Variants in PTPRN2 observed in about 807,000 individuals in gnomAD.
PTPRN2 encodes the protein protein tyrosine phosphatase receptor type N2, also known as receptor-type tyrosine-protein phosphatase N2.
A neutral mutation model predicts 118.8 loss-of-function variants in PTPRN2; 74 were observed. The observed-to-expected ratio is 0.62, with a 90% confidence interval of 0.52 to 0.76. The LOEUF (loss-of-function observed/expected upper bound fraction) is 0.76, where lower values mean the gene tolerates loss of function less well. Ranked by LOEUF, PTPRN2 falls within the 30% of genes least tolerant of loss-of-function variation. The pLI, the probability that PTPRN2 is intolerant of heterozygous loss-of-function variation, is 0.00. For missense variants in PTPRN2, 1,481 were observed against 1,394.4 expected (o/e 1.06, Z -0.99); for synonymous variants, 641 against 608.0 (o/e 1.05, Z -0.80).
At chr7:157,581,643 G>A (rs1487365084) in intron 17 of PTPRN2, among the ~76,000 whole-genome samples, 1 of 152,258 alleles carries the variant, frequency 6.6e-6, no homozygotes, top group Non-Finnish European at 1.5e-5. Context: ...AAGAAGTGCA[G>A]ACTTCGGCTG....
chr7:157,682,914 A>G lies in PTPRN2; in HGVS notation c.1812T>C (p.Pro604=). 1 of 1,613,740 alleles carries G rather than the reference A, an allele frequency of 6.2e-7. No individual in the cohort carries two copies. The highest frequency in any genetic ancestry group is 8.5e-7 in the Non-Finnish European group (1 of 1,179,772). ...VGSKSKLKFL[P]PQAEQEDSTK... Reference sequence around the variant, plus strand: ...TGGAGTCTTCTTGCTCCGCCTGAGGAGGCAGGAACTTGAGTTTGCTTTTCT... The same window carrying G: ...TGGAGTCTTCTTGCTCCGCCTGAGGGGGCAGGAACTTGAGTTTGCTTTTCT... Residue 604 remains proline, a synonymous_variant, in exon 13 of 23, where the codon CCT becomes CCC. Transcript: ENST00000389418.
At chr7:157,707,002 C>T (rs747831814) in intron 12 of PTPRN2, among the ~76,000 whole-genome samples, 14 of 152,234 alleles carry the variant, frequency 9.2e-5, no homozygotes, top group South Asian at 4.1e-4. Flanking sequence ...TGAATCTGAC[C>T]CCGGTGCCTT....
intron 9 of PTPRN2, among the ~76,000 whole-genome samples, chr7:158,114,308 G>A (rs192306299): frequency 1.3e-5 from 2 of 152,306 alleles, no homozygotes; most frequent in Non-Finnish European, 2.9e-5. Context: ...CCACAGGTCA[G>A]GCCTGGGAAT....
chr7:158,500,384 G>A (rs1051113134), intron 1 of PTPRN2, among the ~76,000 whole-genome samples: 41 of 152,188 alleles, frequency 2.7e-4, no homozygotes, highest in Admixed American at 2.4e-3. Flanking sequence ...AATTACTACC[G>A]TCCACTGTAG....
rs146941584 is a variant in PTPRN2, at chr7:157,541,058, C to T, written c.2977-273G>A. Among the ~76,000 whole-genome samples the T allele has an allele frequency of 1.1e-3, 163 of 152,372 alleles. No individual in the cohort carries two copies. The East Asian group carries it at 0.014, about 13-fold the overall frequency. ...TAGAAAAGCCTCATCTTTCCCCCTG[C>T]GGGGAGAAGCTGCCCACAGAAGCAG... On this transcript the variant is annotated intron_variant, in intron 22 of 22. Coordinates refer to ENST00000389418, the MANE Select transcript of PTPRN2 (RefSeq NM_002847.5).
chr7:158,464,640 C>T (rs1477399555), intron 2 of PTPRN2, among the ~76,000 whole-genome samples: 15 of 151,376 alleles, frequency 9.9e-5, no homozygotes, highest in Non-Finnish European at 1.8e-4. Context: ...ATCACTTCAT[C>T]GTCACCATCA....
chr7:158,432,964 C>G (rs1464760788), intron 2 of PTPRN2, among the ~76,000 whole-genome samples: 3 of 152,222 alleles, frequency 2.0e-5, no homozygotes, highest in African/African-American at 7.2e-5. Flanking sequence ...GCCCCGCCCC[C>G]ATCCTCTCAG....
At chr7:158,109,964 T>G (rs546616146) in intron 10 of PTPRN2, among the ~76,000 whole-genome samples, 1 of 151,970 alleles carries the variant, frequency 6.6e-6, no homozygotes, top group Admixed American at 6.5e-5. Flanking sequence ...TGACGTCACC[T>G]GTGTGAAGAG....
rs1037333856 is a variant in PTPRN2 at position 157,674,221 on chromosome 7, G to A, written c.2001+8504C>T. 2.6e-4 allele frequency among the ~76,000 whole-genome samples: 39 copies of A among 152,138 alleles called. No homozygotes were observed. Among genetic ancestry groups the A allele is most frequent in the Non-Finnish European group, 2.4e-4 (16 of 68,012 alleles). ...AGAGCAGAGAGCCATGGAGAGCTCC[G>A]GGCCGAAGGGGACTTGGGCCTGGGA... is the stretch of plus-strand genomic sequence containing the variant. On this transcript the variant is annotated intron_variant, in intron 13 of 22. Coordinates refer to ENST00000389418, the MANE Select transcript of PTPRN2 (RefSeq NM_002847.5). The surrounding 1 kb of genome is among the most constrained non-coding windows in gnomAD (Gnocchi z 4.5).
Position 158,022,527 on chromosome 7 carries a change from C to T in PTPRN2, c.1723+58771G>A, listed in dbSNP as rs1014755182. On this transcript the variant is annotated intron_variant, in intron 11 of 22. Transcript: ENST00000389418. This position sits in a 1 kb window ranked among gnomAD's most constrained non-coding sequence, Gnocchi z 4.6. ...CGGCACCCGGGCACTCTGTCTGGGG[C>T]AGCCCGTAATGTGTTCATAGCCAAG... 6.6e-6 allele frequency among the ~76,000 whole-genome samples: 1 copy of T among 151,796 alleles called. No individual in the cohort carries two copies. Among genetic ancestry groups the T allele is most frequent in the Non-Finnish European group, 1.5e-5 (1 of 67,912 alleles).
chr7:157,627,208 T>G lies in PTPRN2; in HGVS notation c.2197-5699A>C, dbSNP rs1803641120. Reference sequence around the variant, plus strand: ...GGGTCTCCTCCGGGGCGTGAGCTCCTGGTGGTCAGGGACCCCTTCTCACAC... The same window carrying G: ...GGGTCTCCTCCGGGGCGTGAGCTCCGGGTGGTCAGGGACCCCTTCTCACAC... On this transcript the variant is annotated intron_variant, in intron 14 of 22. Transcript: ENST00000389418. This position sits in a 1 kb window ranked among gnomAD's most constrained non-coding sequence, Gnocchi z 4.2. 6.6e-6 allele frequency among the ~76,000 whole-genome samples: 1 copy of G among 152,254 alleles called. No individual in the cohort carries two copies. The highest frequency in any genetic ancestry group is 1.5e-5 in the Non-Finnish European group (1 of 68,048).
At chr7:158,489,553 C>T (rs1821281481) in intron 2 of PTPRN2, among the ~76,000 whole-genome samples, 182 bp downstream of exon 2, 1 of 152,226 alleles carries the variant, frequency 6.6e-6, no homozygotes, top group Non-Finnish European at 1.5e-5. Context: ...CCCGGGCAAC[C>T]TCTTCTCCCC....
chr7:157,708,375 C>A (rs770176098), intron 12 of PTPRN2, among the ~76,000 whole-genome samples: 10 of 152,192 alleles, frequency 6.6e-5, no homozygotes, highest in Non-Finnish European at 1.2e-4. Flanking sequence ...TGCCCACGAC[C>A]CTTCAGCCAG....
At chr7:158,477,212 G>A (rs1411334305) in intron 2 of PTPRN2, among the ~76,000 whole-genome samples, 1 of 152,142 alleles carries the variant, frequency 6.6e-6, no homozygotes. Context: ...AAGGTGGCTG[G>A]GACATCTTAG....
chr7:157,849,393 G>A (rs1029003519), intron 12 of PTPRN2, among the ~76,000 whole-genome samples: 2 of 152,066 alleles, frequency 1.3e-5, no homozygotes, highest in African/African-American at 4.8e-5. Context: ...GTCCTCTCAG[G>A]GTCACACCTC....
At chr7:157,899,491 A>C (rs529320914) in intron 11 of PTPRN2, among the ~76,000 whole-genome samples, 1 of 152,362 alleles carries the variant, frequency 6.6e-6, no homozygotes, top group South Asian at 2.1e-4. Flanking sequence ...ATGCGTTTGC[A>C]TAAAGCCCTT....
intron 2 of PTPRN2, among the ~76,000 whole-genome samples, chr7:158,374,295 A>T (rs1033201200): frequency 1.1e-4 from 16 of 152,166 alleles, no homozygotes; most frequent in Non-Finnish European, 2.1e-4. Flanking sequence ...AGACCACTGG[A>T]AATGGAACTC....
At position 157,785,225 on chromosome 7, in the gene PTPRN2, G is replaced by A. The variant is rs897345960; in HGVS notation, c.1789-102288C>T. Reference sequence around the variant, plus strand: ...CCGGGCCCACGTGGGGACACGCCCCGCCCCACAGGCTTGCACCGGGGTGCG... The same window carrying A: ...CCGGGCCCACGTGGGGACACGCCCCACCCCACAGGCTTGCACCGGGGTGCG... On this transcript the variant is annotated intron_variant, in intron 12 of 22. Transcript: ENST00000389418. This position sits in a 1 kb window ranked among gnomAD's most constrained non-coding sequence, Gnocchi z 7.3. Among the ~76,000 whole-genome samples the A allele has an allele frequency of 7.2e-5, 11 of 152,016 alleles. No homozygotes were observed. The highest frequency in any genetic ancestry group is 2.0e-4 in the Admixed American group (3 of 15,270).
intron 2 of PTPRN2, among the ~76,000 whole-genome samples, chr7:158,456,641 T>A (rs1375015049): frequency 6.6e-6 from 1 of 152,284 alleles, no homozygotes; most frequent in African/African-American, 2.4e-5. Context: ...CCCATCACTC[T>A]GCAGTGGCTC....
Sources: gnomAD v4.1 joint callset for allele counts (sites outside exome capture counted in the v4.1 genomes callset) on GRCh38, gnomAD v4.1.1 for gene constraint, Gnocchi (gnomAD v3.1) non-coding constraint, MANE v1.5 for transcripts, NCBI Gene and HGNC (gene_info 2026-07-23, HGNC 2026-07-21) for gene names.